The following GIPC1 variants were observed in gnomAD, a reference collection of about 807,000 sequenced individuals.
GIPC1 encodes GIPC PDZ domain containing family member 1.
In GIPC1, 15 loss-of-function variants were observed where a neutral mutation model predicts 28.5. The ratio of observed to expected loss-of-function variants is 0.53; its 90% CI spans 0.35 to 0.81. The LOEUF is 0.81. Ranked by LOEUF, GIPC1 falls within the 30% of genes least tolerant of loss-of-function variation. The pLI is 0.01. For missense variants in GIPC1, 439 were observed against 481.9 expected, an observed-to-expected ratio of 0.91 and a Z score of 0.83; for synonymous variants, 224 against 206.1, an observed-to-expected ratio of 1.09 and a Z score of -0.74.
At chr19:14,490,929 C>T (rs1196477643) in intron 3 of GIPC1, among the ~76,000 whole-genome samples, 4 of 141,782 alleles carry the variant, frequency 2.8e-5, no homozygotes, top group Non-Finnish European at 6.0e-5. Context: ...GAGCCGAGAT[C>T]ATGCCACTGC....
intron 4 of GIPC1, among the ~76,000 whole-genome samples, chr19:14,481,182 G>A (rs7252751): frequency 0.56 from 85,704 of 151,970 alleles, 24,742 homozygotes; most frequent in East Asian, 0.95. Context: ...ATGTTGCACA[G>A]GCTGGTCTCC....
intron 4 of GIPC1, chr19:14,482,387 T>C: frequency 4.0e-6 from 2 of 505,292 alleles, no homozygotes; most frequent in Non-Finnish European, 7.1e-6. Flanking sequence ...CCTGATGGGA[T>C]GTCAGCATGC....
At position 14,496,074 on chromosome 19, in the gene GIPC1, G is replaced by GCCGCCGCCGC. The variant is rs1348898275; in HGVS notation, c.-213_-212insGCGGCGGCGG. The GCCGCCGCCGC allele has an allele frequency of 2.5e-5, 6 of 240,542 alleles. No homozygotes were observed. The highest frequency in any genetic ancestry group is 1.3e-4 in the African/African-American group (5 of 38,310). The allele number at this position is 240,542 out of a possible 1,614,324, so 14.9% of individuals were successfully genotyped here. A position where few individuals can be genotyped will look rare whatever the true frequency, so the allele number is the denominator to read the frequency against. On this transcript the variant is annotated 5_prime_UTR_variant, in exon 1 of 9. Transcript: ENST00000393033. ...CGCCGCCGCCGCCGCCGCCGCCGCC[G>GCCGCCGCCGC]CTGCCTCCGCCTCCCCGTGCGCACC...
chr19:14,480,179 C>T, intron 6 of GIPC1, 126 bp downstream of exon 6: 1 of 781,556 alleles, frequency 1.3e-6, no homozygotes, highest in Non-Finnish European at 2.1e-6. Context: ...GCAACCCCTT[C>T]CCTTTCTGCA....
chr19:14,480,101 C>T (rs551633045), intron 6 of GIPC1: 3 of 599,600 alleles, frequency 5.0e-6, no homozygotes, highest in South Asian at 4.0e-5. Flanking sequence ...GGGCAACTTC[C>T]TCCTCGCCCC....
In GIPC1 at chr19:14,482,983, C is replaced by T. The variant is rs139264030; in HGVS notation, c.-7G>A. The T allele has an allele frequency of 2.3e-4, 371 of 1,608,644 alleles. 1 individual carries two copies. In the East Asian group the frequency reaches 3.3e-3, roughly 14 times the overall value. ...GCCCCAGTCCCAGCGGCATGAGCAG[C>T]GAGAAGTGGGGTCACCAGAAGATCT... On this transcript the variant is annotated 5_prime_UTR_variant, in exon 4 of 9. Transcript: ENST00000393033.
intron 3 of GIPC1, among the ~76,000 whole-genome samples, chr19:14,487,534 G>C (rs947354759): frequency 5.3e-5 from 8 of 151,694 alleles, no homozygotes; most frequent in African/African-American, 1.9e-4. Context: ...GCACCCGGCC[G>C]AAGAGATGTC....
At chr19:14,492,734 T>C (rs1420157710) in intron 2 of GIPC1, 123 bp downstream of exon 2, 2 of 152,260 alleles carry the variant, frequency 1.3e-5, no homozygotes, top group Non-Finnish European at 2.9e-5. Context: ...CATGCCAGCT[T>C]CCGTGTCCCC....
Position 14,478,805 on chromosome 19 carries a change from G to T in GIPC1, c.769-40C>A. The T allele has an allele frequency of 1.4e-6, 2 of 1,400,492 alleles. No individual in the cohort carries two copies. The highest frequency in any genetic ancestry group is 2.0e-6 in the Non-Finnish European group (2 of 985,288). The allele number at this position is 1,400,492 out of a possible 1,614,324, so 86.8% of individuals were successfully genotyped here. A position where few individuals can be genotyped will look rare whatever the true frequency, so the allele number is the denominator to read the frequency against. ...GGGGTGACAGCGACATCATAACAATGTGAATATACATAGTAATTGGACGGA... is the reference window on the plus strand; with the variant it reads ...GGGGTGACAGCGACATCATAACAATTTGAATATACATAGTAATTGGACGGA... On this transcript the variant is annotated intron_variant, in intron 7 of 8. Transcript: ENST00000393033. This position sits in a 1 kb window ranked among gnomAD's most constrained non-coding sequence, Gnocchi z 5.2.
chr19:14,478,104 G>T lies in GIPC1; in HGVS notation c.*312C>A. ...AGACAGAGGGACCAGTTTGGCAGCT[G>T]ATGGTGGAAAGTGGTGGAGGCGGGG... On this transcript the variant is annotated 3_prime_UTR_variant, in exon 9 of 9. Coordinates refer to ENST00000393033, the MANE Select transcript of GIPC1 (RefSeq NM_005716.4). This position sits in a 1 kb window ranked among gnomAD's most constrained non-coding sequence, Gnocchi z 5.2. The T allele has an allele frequency of 2.9e-6, 1 of 341,518 alleles. No individual in the cohort carries two copies. The allele number at this position is 341,518 out of a possible 1,614,324, so 21.2% of individuals were successfully genotyped here. A position where few individuals can be genotyped will look rare whatever the true frequency, so the allele number is the denominator to read the frequency against.
intron 5 of GIPC1, 44 bp downstream of exon 5, chr19:14,480,549 A>G: frequency 6.2e-7 from 1 of 1,606,272 alleles, no homozygotes; most frequent in Non-Finnish European, 8.5e-7. Flanking sequence ...CCCATGGCCC[A>G]CCCTCACTCC....
chr19:14,492,493 A>T (rs2071994723), intron 2 of GIPC1, among the ~76,000 whole-genome samples: 1 of 151,992 alleles, frequency 6.6e-6, no homozygotes, highest in Non-Finnish European at 1.5e-5. Flanking sequence ...TTTTTAGTAG[A>T]GACGCTGTTT....
intron 3 of GIPC1, among the ~76,000 whole-genome samples, chr19:14,485,700 T>TAGAGAG (rs1429212332): frequency 9.4e-4 from 65 of 68,798 alleles, no homozygotes; most frequent in East Asian, 3.9e-3. Flanking sequence ...TATATATATA[T>TAGAGAG]ATAGAGAGAG....
chr19:14,482,617 C>T (rs1038635543), intron 4 of GIPC1, 72 bp downstream of exon 4: 6 of 1,448,622 alleles, frequency 4.1e-6, no homozygotes, highest in Non-Finnish European at 5.8e-6. Context: ...AGCCCCAGCT[C>T]ATGAACAGGA....
chr19:14,484,228 C>T (rs960958111), intron 3 of GIPC1, among the ~76,000 whole-genome samples: 5 of 151,260 alleles, frequency 3.3e-5, no homozygotes, highest in Admixed American at 6.6e-5. Context: ...TCTTGCCTCC[C>T]GGGTACAAGC....
Position 14,478,393 on chromosome 19 carries a change from C to G in GIPC1, c.*23G>C. The G allele has an allele frequency of 6.3e-7, 1 of 1,585,454 alleles. No homozygotes were observed. Among genetic ancestry groups the G allele is most frequent in the African/African-American group, 1.3e-5 (1 of 74,382 alleles). Reference sequence around the variant, plus strand: ...CCCCACCAGGTTGCGCCCGGGTCATCATCGCAGGGTCCGGGGGCAGTCCTA... The same window carrying G: ...CCCCACCAGGTTGCGCCCGGGTCATGATCGCAGGGTCCGGGGGCAGTCCTA... On this transcript the variant is annotated 3_prime_UTR_variant, in exon 9 of 9. Coordinates refer to ENST00000393033, the MANE Select transcript of GIPC1 (RefSeq NM_005716.4). The surrounding 1 kb of genome is among the most constrained non-coding windows in gnomAD (Gnocchi z 5.2).
At chr19:14,495,362 A>T (rs1485713677) in intron 1 of GIPC1, among the ~76,000 whole-genome samples, 1 of 151,968 alleles carries the variant, frequency 6.6e-6, no homozygotes, top group Non-Finnish European at 1.5e-5. Flanking sequence ...GCAACAACTG[A>T]GCCGTGGAGT....
chr19:14,486,599 A>C (rs1191729927), intron 3 of GIPC1, among the ~76,000 whole-genome samples: 1 of 152,126 alleles, frequency 6.6e-6, no homozygotes, highest in Admixed American at 6.6e-5. Flanking sequence ...CCGCAATGGA[A>C]GTGTAGCAGG....
At chr19:14,479,779 T>A (rs1282244502) in intron 6 of GIPC1, 2 of 419,366 alleles carry the variant, frequency 4.8e-6, no homozygotes, top group African/African-American at 2.1e-5. Flanking sequence ...GAGGGGCCAC[T>A]TCTGCTCCCA....
Sources: allele counts gnomAD v4.1 joint callset (sites outside exome capture counted in the v4.1 genomes callset), GRCh38; gene constraint gnomAD v4.1.1; non-coding constraint Gnocchi (gnomAD v3.1); transcripts MANE v1.5; gene names NCBI Gene and HGNC (gene_info 2026-07-23, HGNC 2026-07-21).